MRPS5: variants seen among roughly 807,000 people sequenced by gnomAD.
The protein encoded by MRPS5 is mitochondrial ribosomal protein S5, also known as small ribosomal subunit protein uS5m.
In MRPS5, 27 loss-of-function variants were observed where a neutral mutation model predicts 51.9. That is an observed-to-expected ratio of 0.52 (90% CI 0.38 to 0.72). The LOEUF (loss-of-function observed/expected upper bound fraction) is 0.72. Among genes scored for constraint, MRPS5 ranks in the 30% least tolerant of loss-of-function variants. MRPS5 has a pLI of 0.00. For synonymous variants in MRPS5, 196 were observed against 193.2 expected (o/e 1.01, Z -0.12); for missense variants, 570 against 545.7 (o/e 1.04, Z -0.44).
chr2:95,121,956 C>CA (rs1004156256), upstream of MRPS5: 56 of 792,272 alleles, frequency 7.1e-5, no homozygotes, highest in Non-Finnish European at 9.0e-5. Context: ...GGACGGGCCA[C>CA]ACTGCAGGCG....
At chr2:95,105,744 A>G (rs1436555441) in intron 6 of MRPS5, among the ~76,000 whole-genome samples, 3 of 152,248 alleles carry the variant, frequency 2.0e-5, no homozygotes, top group Non-Finnish European at 4.4e-5. Flanking sequence ...AAAAGCTGTA[A>G]GTGGGAATAC....
chr2:95,096,758 AT>A (rs1675638976), intron 10 of MRPS5, among the ~76,000 whole-genome samples: 1 of 152,206 alleles, frequency 6.6e-6, no homozygotes, highest in African/African-American at 2.4e-5. Context: ...AACTGGAAGC[AT>A]TCCCTTTGAA....
intron 11 of MRPS5, 81 bp from the exon 12 acceptor site, chr2:95,087,662 C>A: frequency 8.3e-7 from 1 of 1,206,474 alleles, no homozygotes; most frequent in Non-Finnish European, 1.2e-6. Context: ...CAGGCCACAA[C>A]AGTACAGCCT....
At chr2:95,114,950 G>T in intron 3 of MRPS5, 116 bp downstream of exon 3, 1 of 922,806 alleles carries the variant, frequency 1.1e-6, no homozygotes, top group Non-Finnish European at 1.5e-6. Context: ...CATTTTAACA[G>T]TACATTGTAA....
chr2:95,112,942 T>C (rs1401159689), intron 3 of MRPS5, among the ~76,000 whole-genome samples: 1 of 150,962 alleles, frequency 6.6e-6, no homozygotes, highest in African/African-American at 2.4e-5. Flanking sequence ...GAGGTGGAGC[T>C]TGCAGTGAGC....
intron 4 of MRPS5, 47 bp downstream of exon 4, chr2:95,109,869 G>T (rs770750400): frequency 6.3e-6 from 10 of 1,583,666 alleles, no homozygotes; most frequent in Non-Finnish European, 8.6e-7. Context: ...AAAATCTGGG[G>T]TAAGAAACTT....
Position 95,121,767 on chromosome 2 carries a change from C to T in MRPS5, c.25G>A (p.Gly9Ser), listed in dbSNP as rs762671457. ...CCGCTACACAGCACGGGGAGGCAGCCCACAGCGCGCACCGCGGTCGCCATG... is the reference window on the plus strand; with the variant it reads ...CCGCTACACAGCACGGGGAGGCAGCTCACAGCGCGCACCGCGGTCGCCATG... Reference protein sequence around the residue: MATAVRAVGCLPVLCSGTA... With the variant: MATAVRAVSCLPVLCSGTA... Residue 9 changes from glycine to serine, a missense_variant, in exon 1 of 12, where the codon GGC (glycine) becomes AGC (serine). Coordinates refer to ENST00000272418, the MANE Select transcript of MRPS5 (RefSeq NM_031902.5). The T allele has an allele frequency of 6.4e-7, 1 of 1,553,496 alleles. No homozygotes were observed. The highest frequency in any genetic ancestry group is 8.6e-7 in the Non-Finnish European group (1 of 1,159,034).
At chr2:95,115,450 T>C (rs1676258159) in intron 2 of MRPS5, among the ~76,000 whole-genome samples, 2 of 152,262 alleles carry the variant, frequency 1.3e-5, no homozygotes, top group South Asian at 4.1e-4. Context: ...AAGAAGCAGA[T>C]TTGTCCATAC....
chr2:95,121,609 G>A (rs915631932), intron 1 of MRPS5, 125 bp downstream of exon 1: 22 of 1,058,388 alleles, frequency 2.1e-5, no homozygotes, highest in South Asian at 1.6e-5. Flanking sequence ...GAAGGTGGGG[G>A]CACGGCGTGA....
At chr2:95,119,897 C>CA (rs962806212) in intron 1 of MRPS5, among the ~76,000 whole-genome samples, 1 of 152,006 alleles carries the variant, frequency 6.6e-6, no homozygotes, top group African/African-American at 2.4e-5. Context: ...ACCCACTCTA[C>CA]AAAAAATAAA....
chr2:95,121,132 A>G (rs1394314386), intron 1 of MRPS5, among the ~76,000 whole-genome samples: 1 of 152,112 alleles, frequency 6.6e-6, no homozygotes, highest in African/African-American at 2.4e-5. Flanking sequence ...ACAAAAACAA[A>G]AACAAAAAAA....
intron 10 of MRPS5, among the ~76,000 whole-genome samples, chr2:95,099,182 T>G (rs1350468975): frequency 6.6e-6 from 1 of 151,340 alleles, no homozygotes; most frequent in Non-Finnish European, 1.5e-5. Flanking sequence ...CCTCTCAAAG[T>G]GCTGGTATTA....
rs776261251 is a variant in MRPS5, at chr2:95,085,545, G to A, written c.*1812C>T. 1.3e-5 allele frequency among the ~76,000 whole-genome samples: 2 copies of A among 152,102 alleles called. No individual in the cohort carries two copies. The highest frequency in any genetic ancestry group is 2.9e-5 in the Non-Finnish European group (2 of 68,006). ...AGGGGACCCACCCACACCAGACAAC[G>A]TCACAGGCTGAAAACTTTCACCATC... On this transcript the variant is annotated 3_prime_UTR_variant, in exon 12 of 12. Coordinates refer to ENST00000272418, the MANE Select transcript of MRPS5 (RefSeq NM_031902.5).
chr2:95,115,119 G>GAA lies in MRPS5; in HGVS notation c.222_223dup (p.Ser75PhefsTer6). On this transcript the variant is annotated frameshift_variant, in exon 3 of 12. Transcript: ENST00000272418. LOFTEE classifies it high-confidence loss of function. ...CTGCTGGCTCATCAGGTGACTGGGA[G>GAA]AAGAAATACAGCATTGTGTCTGCAG... 1 of 1,612,516 alleles carries GAA rather than the reference G, an allele frequency of 6.2e-7. No homozygotes were observed. Among genetic ancestry groups the GAA allele is most frequent in the Non-Finnish European group, 8.5e-7 (1 of 1,179,666 alleles).
intron 10 of MRPS5, among the ~76,000 whole-genome samples, chr2:95,094,677 T>C (rs1446620436): frequency 3.9e-5 from 6 of 152,074 alleles, no homozygotes; most frequent in African/African-American, 1.4e-4. Context: ...CACAAGCAAA[T>C]ACTGAGAGAT....
chr2:95,114,951 T>C, intron 3 of MRPS5, 115 bp downstream of exon 3: 1 of 927,072 alleles, frequency 1.1e-6, no homozygotes, highest in Non-Finnish European at 1.5e-6. Context: ...ATTTTAACAG[T>C]ACATTGTAAA....
intron 10 of MRPS5, among the ~76,000 whole-genome samples, chr2:95,097,725 G>A (rs1332065139): frequency 6.6e-6 from 1 of 152,140 alleles, no homozygotes; most frequent in Non-Finnish European, 1.5e-5. Context: ...TTAAATGTTA[G>A]ACCTAAAACC....
At chr2:95,094,787 T>C (rs1250765604) in intron 10 of MRPS5, among the ~76,000 whole-genome samples, 3 of 152,142 alleles carry the variant, frequency 2.0e-5, no homozygotes, top group South Asian at 4.1e-4. Context: ...TGCCAAATTG[T>C]AAAGACCATC....
intron 10 of MRPS5, chr2:95,093,579 C>T (rs1349295616): frequency 1.3e-5 from 2 of 152,308 alleles, no homozygotes; most frequent in African/African-American, 4.8e-5. Context: ...CTGGTGATAC[C>T]CAGGCAAACA....
Sources: allele counts gnomAD v4.1 joint callset (sites outside exome capture counted in the v4.1 genomes callset), GRCh38; gene constraint gnomAD v4.1.1; transcripts MANE v1.5; gene names NCBI Gene and HGNC (gene_info 2026-07-23, HGNC 2026-07-21).